TRPC5: variants seen among roughly 807,000 people sequenced by gnomAD.
TRPC5 encodes the protein short transient receptor potential channel 5.
In TRPC5, 9 loss-of-function variants were observed where a neutral mutation model predicts 56.5. The observed-to-expected ratio is 0.16, with a 90% CI of 0.10 to 0.28. TRPC5 has a LOEUF of 0.28. TRPC5 is among the 10% of genes least tolerant of loss of function. The pLI, the probability that TRPC5 is intolerant of heterozygous loss-of-function variation, is 1.00. For missense variants in TRPC5, 469 were observed against 748.9 expected, an observed-to-expected ratio of 0.63 and a Z score of 4.36; for synonymous variants, 282 against 278.5, an observed-to-expected ratio of 1.01 and a Z score of -0.13.
chrX:112,071,345 T>A (rs998373057), intron 1 of TRPC5, among the ~76,000 whole-genome samples: 8 of 107,319 alleles, frequency 7.5e-5, no homozygotes, highest in Non-Finnish European at 1.3e-4. Flanking sequence ...AATAAATAAA[T>A]AAAAAGAATC....
At chrX:112,017,277 T>G (rs955483699) in intron 1 of TRPC5, among the ~76,000 whole-genome samples, 4 of 111,481 alleles carry the variant, frequency 3.6e-5, no homozygotes, top group African/African-American at 9.8e-5. Flanking sequence ...CCTTCCAAAG[T>G]GCTGGGATTA....
intron 1 of TRPC5, among the ~76,000 whole-genome samples, chrX:112,061,394 G>A (rs991468038): frequency 1.3e-4 from 15 of 111,708 alleles, no homozygotes; most frequent in African/African-American, 4.6e-4. Context: ...GAGGCCAAGC[G>A]TGAGTTGAAA....
intron 6 of TRPC5, 145 bp from the exon 7 acceptor site, chrX:111,835,261 T>A: frequency 2.2e-6 from 1 of 456,264 alleles, no homozygotes; most frequent in Non-Finnish European, 3.7e-6. Context: ...GGCTCTTCCC[T>A]AACACAGACT....
intron 1 of TRPC5, among the ~76,000 whole-genome samples, chrX:112,010,581 G>A (rs899211711): frequency 4.5e-5 from 5 of 111,017 alleles, no homozygotes; most frequent in African/African-American, 9.8e-5. Context: ...TATTGTAGGC[G>A]ATTGTAACAC....
intron 1 of TRPC5, among the ~76,000 whole-genome samples, chrX:112,032,578 G>T (rs1254534423): frequency 2.7e-5 from 3 of 112,182 alleles, no homozygotes; most frequent in Non-Finnish European, 5.6e-5. Context: ...AGGGCTGCTA[G>T]GAATGTATGT....
At chrX:112,027,883 T>C (rs778595441) in intron 1 of TRPC5, among the ~76,000 whole-genome samples, 1 of 112,229 alleles carries the variant, frequency 8.9e-6, no homozygotes, top group South Asian at 3.7e-4. Flanking sequence ...GACTATTATA[T>C]ACTTATGATA....
intron 2 of TRPC5, among the ~76,000 whole-genome samples, chrX:111,917,258 C>T (rs750535427): frequency 1.8e-5 from 2 of 112,511 alleles, no homozygotes; most frequent in African/African-American, 6.5e-5. Context: ...AACCCGCTCT[C>T]GCCAGCTGGT....
At chrX:112,035,460 T>C (rs1452009280) in intron 1 of TRPC5, among the ~76,000 whole-genome samples, 1 of 109,154 alleles carries the variant, frequency 9.2e-6, no homozygotes, top group Non-Finnish European at 1.9e-5. Context: ...TGAACTCATA[T>C]ATATATATAT....
chrX:111,887,965 C>T (rs777879091), intron 3 of TRPC5, among the ~76,000 whole-genome samples: 4 of 111,250 alleles, frequency 3.6e-5, no homozygotes, highest in African/African-American at 6.5e-5. Context: ...AAAGTTAGAG[C>T]GGAATAAGGA....
intron 1 of TRPC5, among the ~76,000 whole-genome samples, chrX:112,002,954 C>A (rs1928735457): frequency 9.0e-6 from 1 of 111,410 alleles, no homozygotes; most frequent in Non-Finnish European, 1.9e-5. Context: ...CCTCCTACCT[C>A]AAAGAGTTCA....
chrX:111,798,129 C>A (rs1265867561), intron 7 of TRPC5, among the ~76,000 whole-genome samples: 5 of 111,774 alleles, frequency 4.5e-5, no homozygotes, highest in Non-Finnish European at 9.4e-5. Flanking sequence ...AAACTATACA[C>A]AACTATTATA....
At chrX:112,050,521 A>G (rs146808811) in intron 1 of TRPC5, among the ~76,000 whole-genome samples, 1 of 112,526 alleles carries the variant, frequency 8.9e-6, no homozygotes, top group African/African-American at 3.2e-5. Flanking sequence ...TCTTGTGCAC[A>G]TCTTGCTAAC....
chrX:111,926,707 T>G (rs1926268922), intron 2 of TRPC5, among the ~76,000 whole-genome samples: 1 of 112,445 alleles, frequency 8.9e-6, no homozygotes, highest in African/African-American at 3.2e-5. Flanking sequence ...ACTATTCATA[T>G]TTCATGGATA....
At chrX:112,023,746 A>G (rs1194484725) in intron 1 of TRPC5, among the ~76,000 whole-genome samples, 1 of 111,591 alleles carries the variant, frequency 9.0e-6, no homozygotes, top group Non-Finnish European at 1.9e-5. Flanking sequence ...TATATTCTGC[A>G]TCTATAATCT....
At chrX:111,816,716 GA>G (rs774253991) in intron 7 of TRPC5, among the ~76,000 whole-genome samples, 18 of 109,321 alleles carry the variant, frequency 1.6e-4, no homozygotes, top group African/African-American at 6.0e-4. Flanking sequence ...AGGGAGAAGG[GA>G]AAAAAAAAGT....
At chrX:111,860,939 T>G (rs1325363677) in intron 3 of TRPC5, among the ~76,000 whole-genome samples, 1 of 112,106 alleles carries the variant, frequency 8.9e-6, no homozygotes, top group Non-Finnish European at 1.9e-5. Flanking sequence ...GTTTAAAATT[T>G]AAAACCCTTG....
intron 1 of TRPC5, among the ~76,000 whole-genome samples, chrX:112,025,433 T>G (rs1312474778): frequency 8.9e-6 from 1 of 112,162 alleles, no homozygotes. Context: ...AGAATGAGAA[T>G]CAAAATGTTT....
intron 1 of TRPC5, among the ~76,000 whole-genome samples, chrX:111,995,102 T>G: frequency 8.9e-6 from 1 of 111,780 alleles, no homozygotes; most frequent in Non-Finnish European, 1.9e-5. Flanking sequence ...GCTGTGAGTT[T>G]GTCATAAATA....
intron 7 of TRPC5, among the ~76,000 whole-genome samples, chrX:111,791,097 A>G (rs1425345310): frequency 1.9e-5 from 2 of 103,156 alleles, no homozygotes; most frequent in Non-Finnish European, 3.9e-5. Context: ...CTGAAGCATC[A>G]TCCCACCTTT....
Sources: gnomAD v4.1 joint callset for allele counts (sites outside exome capture counted in the v4.1 genomes callset) on GRCh38, gnomAD v4.1.1 for gene constraint, MANE v1.5 for transcripts, NCBI Gene and HGNC (gene_info 2026-07-23, HGNC 2026-07-21) for gene names.